ARHGAP44: variants seen among roughly 807,000 people sequenced by gnomAD.
ARHGAP44 encodes the protein rho GTPase-activating protein 44.
A neutral mutation model predicts 106.8 loss-of-function variants in ARHGAP44; 43 were observed. That is an observed-to-expected ratio of 0.40 (90% CI 0.32 to 0.52). The LOEUF is 0.52. Among genes scored for constraint, ARHGAP44 ranks in the 20% least tolerant of loss-of-function variants. ARHGAP44 has a pLI of 0.48. For missense variants in ARHGAP44, 866 were observed against 1,050.5 expected, an observed-to-expected ratio of 0.82 and a Z score of 2.43; for synonymous variants, 439 against 410.3, an observed-to-expected ratio of 1.07 and a Z score of -0.85.
At chr17:12,912,113 A>G (rs1242410128) in intron 4 of ARHGAP44, among the ~76,000 whole-genome samples, 3 of 152,358 alleles carry the variant, frequency 2.0e-5, no homozygotes, top group South Asian at 2.1e-4. Context: ...GGTGGATACA[A>G]TGCAGCTTGG....
At chr17:12,961,451 C>T (rs574303125) in intron 16 of ARHGAP44, among the ~76,000 whole-genome samples, 2 of 152,234 alleles carry the variant, frequency 1.3e-5, no homozygotes, top group South Asian at 4.1e-4. Context: ...ATGTTAAATT[C>T]AGGCCGGGCG....
intron 1 of ARHGAP44, among the ~76,000 whole-genome samples, chr17:12,791,677 G>A (rs2033764428): frequency 6.6e-6 from 1 of 152,156 alleles, no homozygotes; most frequent in Non-Finnish European, 1.5e-5. Context: ...TCCATGGGGG[G>A]AATGCAAAAT....
At chr17:12,959,150 G>A in intron 16 of ARHGAP44, 1 of 440,158 alleles carries the variant, frequency 2.3e-6, no homozygotes. Flanking sequence ...CTCATCAAAA[G>A]AAAGAAAAAG....
At chr17:12,880,191 T>C (rs991438947) in intron 1 of ARHGAP44, among the ~76,000 whole-genome samples, 5 of 152,150 alleles carry the variant, frequency 3.3e-5, no homozygotes, top group African/African-American at 1.2e-4. Context: ...TTAATTTTCA[T>C]ATTATTTATT....
chr17:12,923,627 T>A (rs1212389677), intron 6 of ARHGAP44, among the ~76,000 whole-genome samples: 1 of 152,192 alleles, frequency 6.6e-6, no homozygotes, highest in Non-Finnish European at 1.5e-5. Flanking sequence ...CCTCAAGTTA[T>A]AGATTCCCCA....
chr17:12,859,029 T>G (rs2035990796), intron 1 of ARHGAP44, among the ~76,000 whole-genome samples: 1 of 152,050 alleles, frequency 6.6e-6, no homozygotes, highest in African/African-American at 2.4e-5. Context: ...CCTCCCACAG[T>G]GAATGGGAAT....
intron 1 of ARHGAP44, among the ~76,000 whole-genome samples, chr17:12,839,510 C>A (rs936711937): frequency 1.3e-5 from 2 of 152,194 alleles, no homozygotes; most frequent in Non-Finnish European, 2.9e-5. Context: ...ATTCTTTAAA[C>A]TGATGAGACT....
chr17:12,903,140 A>AGGGTGT (rs1403029479), intron 3 of ARHGAP44, among the ~76,000 whole-genome samples: 1 of 57,574 alleles, frequency 1.7e-5, no homozygotes, highest in Admixed American at 2.5e-4. Context: ...AGAGAGAGAG[A>AGGGTGT]GTGTGTGTGT....
chr17:12,974,578 G>A (rs1430528613), intron 18 of ARHGAP44, among the ~76,000 whole-genome samples: 1 of 152,074 alleles, frequency 6.6e-6, no homozygotes, highest in African/African-American at 2.4e-5. Flanking sequence ...AGAGTCTTAG[G>A]TTCCCCAACT....
At chr17:12,836,479 C>G (rs769600491) in intron 1 of ARHGAP44, among the ~76,000 whole-genome samples, 10 of 151,768 alleles carry the variant, frequency 6.6e-5, no homozygotes, top group Non-Finnish European at 1.5e-4. Flanking sequence ...GGAACACTGT[C>G]TCTACTAAAA....
Position 12,916,026 on chromosome 17 carries a change from T to C in ARHGAP44, c.387+15T>C, listed in dbSNP as rs775314906. 41 of 1,608,264 alleles carry C rather than the reference T, an allele frequency of 2.5e-5. 1 individual carries two copies. The Admixed American group carries it at 5.5e-4, about 22-fold the overall frequency. ...TGCTGGCGGAGGTAAGCAGCAGGAG[T>C]GAGGCCAGGCCTGAAAGAGCAAGGA... On this transcript the variant is annotated intron_variant, in intron 5 of 20. Transcript: ENST00000379672.
chr17:12,799,082 C>T (rs894213129), intron 1 of ARHGAP44, among the ~76,000 whole-genome samples: 6 of 152,184 alleles, frequency 3.9e-5, no homozygotes, highest in East Asian at 1.9e-4. Flanking sequence ...CTCCCTACCC[C>T]GGTCAGTAAT....
intron 1 of ARHGAP44, among the ~76,000 whole-genome samples, chr17:12,849,538 G>A (rs2035676670): frequency 6.9e-6 from 1 of 144,456 alleles, no homozygotes; most frequent in Non-Finnish European, 1.5e-5. Flanking sequence ...CATTAGTGCA[G>A]CAACCTAGTC....
chr17:12,919,210 A>G (rs1235879884), intron 5 of ARHGAP44, among the ~76,000 whole-genome samples: 1 of 152,114 alleles, frequency 6.6e-6, no homozygotes, highest in Non-Finnish European at 1.5e-5. Context: ...TGTAGTAATG[A>G]TTTCACAATG....
At chr17:12,981,876 TG>T (rs2039840780) in intron 19 of ARHGAP44, among the ~76,000 whole-genome samples, 1 of 151,884 alleles carries the variant, frequency 6.6e-6, no homozygotes, top group Non-Finnish European at 1.5e-5. Flanking sequence ...CTGGGCGTGG[TG>T]GTGGGCGTCT....
intron 10 of ARHGAP44, 124 bp downstream of exon 10, chr17:12,944,320 CA>C: frequency 4.7e-6 from 6 of 1,269,144 alleles, no homozygotes; most frequent in Non-Finnish European, 6.2e-6. Context: ...TGGCTTAAGA[CA>C]GTGGCTCAGA....
chr17:12,982,025 C>A (rs1292840152), intron 19 of ARHGAP44, among the ~76,000 whole-genome samples: 3 of 152,000 alleles, frequency 2.0e-5, no homozygotes, highest in Admixed American at 6.6e-5. Flanking sequence ...AAAAAAGAGT[C>A]CTTTAACTTT....
At chr17:12,797,093 A>C (rs573727471) in intron 1 of ARHGAP44, among the ~76,000 whole-genome samples, 1 of 152,112 alleles carries the variant, frequency 6.6e-6, no homozygotes, top group Non-Finnish European at 1.5e-5. Flanking sequence ...AGAGGTTTTA[A>C]AAATTTTTGT....
At chr17:12,851,067 T>A (rs555862968) in intron 1 of ARHGAP44, among the ~76,000 whole-genome samples, 1 of 152,340 alleles carries the variant, frequency 6.6e-6, no homozygotes, top group Non-Finnish European at 1.5e-5. Flanking sequence ...GCTTTAAATT[T>A]GTGGTTCTGT....
Sources: allele counts gnomAD v4.1 joint callset (sites outside exome capture counted in the v4.1 genomes callset), GRCh38; gene constraint gnomAD v4.1.1; transcripts MANE v1.5; gene names NCBI Gene and HGNC (gene_info 2026-07-23, HGNC 2026-07-21).